Variants in C2 observed in about 807,000 individuals in gnomAD.
The protein encoded by C2 is C3/C5 convertase.
C2 carries 64 observed loss-of-function variants against 85.2 expected under a neutral mutation model. That is an observed-to-expected ratio of 0.75 (90% confidence interval 0.61 to 0.92). The LOEUF (loss-of-function observed/expected upper bound fraction) is 0.92. C2 is among the 40% of genes least tolerant of loss of function. C2 has a pLI of 0.00. For missense variants in C2, 820 were observed against 971.6 expected, an observed-to-expected ratio of 0.84 and a Z score of 2.07; for synonymous variants, 311 against 370.8, an observed-to-expected ratio of 0.84 and a Z score of 1.85.
In C2 at chr6:31,943,665, G is replaced by C. The variant is rs555083496; in HGVS notation, c.1589G>C (p.Gly530Ala). 1.9e-6 allele frequency: 3 copies of C among 1,612,982 alleles called. No individual in the cohort carries two copies. In the East Asian group the frequency reaches 6.7e-5, roughly 36 times the overall value. ...CCAGGAGACCCCAAATCCCAGTGGG[G>C]CAAAGAATTCCTTATTGAGAAGGCG... ...VNVGDPKSQW[G>A]KEFLIEKAVI... Residue 530 changes from glycine (G) to alanine (A), a missense_variant, in exon 13 of 18, where the codon GGC (glycine) becomes GCC (alanine). By Grantham distance (60) the Gly-to-Ala change is moderately conservative. Coordinates refer to ENST00000299367, the MANE Select transcript of C2 (RefSeq NM_000063.6). The surrounding 1 kb of genome is among the most constrained non-coding windows in gnomAD (Gnocchi z 6.4).
rs2151700018 is a variant in C2, at chr6:31,904,501, A to T, written c.73+3362A>T. ...GCTAATTTTCGCATTTTTAGTAGAG[A>T]CGGGGTTTCACCATGTTGGCCAGGC... On this transcript the variant is annotated intron_variant, in intron 1 of 3. Coordinates refer to the C2 transcript ENST00000452202. This position sits in a 1 kb window ranked among gnomAD's most constrained non-coding sequence, Gnocchi z 4.4. Among the ~76,000 whole-genome samples the T allele has an allele frequency of 6.6e-6, 1 of 151,962 alleles. No homozygotes were observed. Among genetic ancestry groups the T allele is most frequent in the Non-Finnish European group, 1.5e-5 (1 of 67,988 alleles).
In C2 at chr6:31,935,206, TAAG is replaced by T; in HGVS notation, c.850-716_850-714del. ...TCTGTGCTCTCTTGGGACTCAAAATTAAGTAACTCATTGCACTGCGAGGCGGCA... is the reference window on the plus strand; with the variant it reads ...TCTGTGCTCTCTTGGGACTCAAAATTTAACTCATTGCACTGCGAGGCGGCA... On this transcript the variant is annotated intron_variant, in intron 6 of 17. Transcript: ENST00000299367. This position sits in a 1 kb window ranked among gnomAD's most constrained non-coding sequence, Gnocchi z 4.3. The T allele has an allele frequency of 7.0e-6, 2 of 287,644 alleles. No individual in the cohort carries two copies. The highest frequency in any genetic ancestry group is 1.0e-5 in the Non-Finnish European group (2 of 192,032). 17.8% of individuals were successfully genotyped at this position (287,644 alleles called of 1,614,324 possible). A position where few individuals can be genotyped will look rare whatever the true frequency, so the allele number is the denominator to read the frequency against.
chr6:31,927,927 T>C lies in C2; in HGVS notation c.47-28T>C. 6.2e-7 allele frequency: 1 copy of C among 1,603,190 alleles called. No individual in the cohort carries two copies. Among genetic ancestry groups the C allele is most frequent in the East Asian group, 2.2e-5 (1 of 44,840 alleles). On this transcript the variant is annotated intron_variant, in intron 1 of 17. Transcript: ENST00000299367. The surrounding 1 kb of genome is among the most constrained non-coding windows in gnomAD (Gnocchi z 4.7). The stretch of plus-strand genomic sequence containing the variant: ...ATCTGTGTCTTCCTTCTTTCTCCAT[T>C]GCTGTCTCCTTGTTCCCACGGCTCT...
At chr6:31,942,328 T>C (rs1003960473) in intron 9 of C2, among the ~76,000 whole-genome samples, 2 of 149,064 alleles carry the variant, frequency 1.3e-5, no homozygotes, top group African/African-American at 5.0e-5. Context: ...TTAACTTGAT[T>C]ACATCTGCAA....
Position 31,945,254 on chromosome 6 carries a change from G to A in C2, c.2156G>A (p.Arg719His), listed in dbSNP as rs1283173955. 6 of 1,612,902 alleles carry A rather than the reference G, an allele frequency of 3.7e-6. No homozygotes were observed. Among genetic ancestry groups the A allele is most frequent in the South Asian group, 1.1e-5 (1 of 91,072 alleles). The change falls in exon 18 of 18, where the codon CGT (arginine) becomes CAT (histidine). Residue 719 changes from arginine (R) to histidine (H), a missense_variant. Arg to His is a conservative substitution (Grantham distance 29). Coordinates refer to ENST00000299367, the MANE Select transcript of C2 (RefSeq NM_000063.6). The surrounding 1 kb of genome is among the most constrained non-coding windows in gnomAD (Gnocchi z 5.3). Reference sequence around the variant, plus strand: ...AAAAACTCCCGCAAAAGGGCCCCTCGTAGCAAGGTCCCGCCGCCACGAGAC... The same window carrying A: ...AAAAACTCCCGCAAAAGGGCCCCTCATAGCAAGGTCCCGCCGCCACGAGAC... The part of the protein sequence containing the change: ...ADKNSRKRAP[R>H]SKVPPPRDFH...
In C2 at chr6:31,922,037, A is replaced by C. The variant is rs576451669; in HGVS notation, c.-100+2011A>C. ...TCCAGGGTGAGGGAGCCCAGTATTT[A>C]TACCAATCAGTCATTGGTTGAAGGC... On this transcript the variant is annotated intron_variant, in intron 1 of 3. Coordinates refer to the C2 transcript ENST00000413154. This position sits in a 1 kb window ranked among gnomAD's most constrained non-coding sequence, Gnocchi z 4.8. Among the ~76,000 whole-genome samples, 1 of 152,266 alleles carries C rather than the reference A, an allele frequency of 6.6e-6. No homozygotes were observed. Among genetic ancestry groups the C allele is most frequent in the Admixed American group, 6.5e-5 (1 of 15,284 alleles).
upstream of C2, chr6:31,927,506 G>A: frequency 7.0e-7 from 1 of 1,435,184 alleles, no homozygotes; most frequent in South Asian, 1.5e-5. The surrounding 1 kb of genome is among the most constrained non-coding windows in gnomAD (Gnocchi z 4.7). Flanking sequence ...AAAGCCTGTG[G>A]GGGAGATCTA....
chr6:31,922,797 G>A (rs113174711), upstream of C2, among the ~76,000 whole-genome samples: 114 of 152,282 alleles, frequency 7.5e-4, no homozygotes, highest in African/African-American at 2.5e-3. This position sits in a 1 kb window ranked among gnomAD's most constrained non-coding sequence, Gnocchi z 4.8. Context: ...AGCCGAGATC[G>A]TACTGCTTCA....
chr6:31,902,525 A>G (rs1337543979), intron 1 of C2, among the ~76,000 whole-genome samples: 2 of 152,174 alleles, frequency 1.3e-5, no homozygotes, highest in East Asian at 1.9e-4. Flanking sequence ...TCAGGGCCCC[A>G]TCCGCCCCGT....
At position 31,935,794 on chromosome 6, in the gene C2, C is replaced by T. The variant is rs1402118997; in HGVS notation, c.850-129C>T. On this transcript the variant is annotated intron_variant, in intron 6 of 17. Transcript: ENST00000299367. The surrounding 1 kb of genome is among the most constrained non-coding windows in gnomAD (Gnocchi z 4.3). ...TCCTAACAGCCATTTCCTAGTGTCT[C>T]CCCTGGTCCTTGCCTCTGTCGGTCT... 4 of 1,014,806 alleles carry T rather than the reference C, an allele frequency of 3.9e-6. No individual in the cohort carries two copies. The highest frequency in any genetic ancestry group is 1.6e-5 in the African/African-American group (1 of 63,658). The allele number at this position is 1,014,806 out of a possible 1,614,324, so 62.9% of individuals were successfully genotyped here.
chr6:31,898,500 G>T (rs1331389019), upstream of C2, among the ~76,000 whole-genome samples: 1 of 152,130 alleles, frequency 6.6e-6, no homozygotes, highest in Non-Finnish European at 1.5e-5. Context: ...AGATCTGTAT[G>T]ATTTCACACG....
chr6:31,934,040 C>T, intron 5 of C2, 75 bp downstream of exon 5: 2 of 1,553,560 alleles, frequency 1.3e-6, no homozygotes, highest in Non-Finnish European at 1.8e-6. Flanking sequence ...ATGCAACCTT[C>T]CTGGAGGCCA....
intron 9 of C2, chr6:31,941,140 T>C (rs1468224149): frequency 1.3e-5 from 2 of 152,260 alleles, no homozygotes; most frequent in East Asian, 1.9e-4. Flanking sequence ...TTCCATGTTG[T>C]GTTCTGAGTT....
At position 31,944,223 on chromosome 6, in the gene C2, G is replaced by T; in HGVS notation, c.1899G>T (p.Val633=). The T allele has an allele frequency of 6.2e-7, 1 of 1,603,956 alleles. No homozygotes were observed. The highest frequency in any genetic ancestry group is 8.5e-7 in the Non-Finnish European group (1 of 1,171,752). Reference sequence around the variant, plus strand: ...TGAACATTAACCTTAAGATGGGAGTGGAGGTGAGGGTCTCAGGTTGGGGAT... The same window carrying T: ...TGAACATTAACCTTAAGATGGGAGTTGAGGTGAGGGTCTCAGGTTGGGGAT... ...SKLNINLKMG[V]EWTSCAEVVS... Residue 633 remains valine, a synonymous_variant, in exon 15 of 18, where the codon GTG becomes GTT. Coordinates refer to ENST00000299367, the MANE Select transcript of C2 (RefSeq NM_000063.6). This position sits in a 1 kb window ranked among gnomAD's most constrained non-coding sequence, Gnocchi z 5.1.
At chr6:31,902,234 C>T (rs935274699) in intron 1 of C2, among the ~76,000 whole-genome samples, 3 of 151,710 alleles carry the variant, frequency 2.0e-5, no homozygotes, top group Middle Eastern at 6.9e-3. Flanking sequence ...TCCACACCCC[C>T]CTCTTTCTCG....
At chr6:31,908,416 C>T (rs1039527490) in intron 1 of C2, among the ~76,000 whole-genome samples, 4 of 151,666 alleles carry the variant, frequency 2.6e-5, no homozygotes, top group Admixed American at 2.6e-4. Flanking sequence ...CTTTGGGAGG[C>T]TGAGGTGGGC....
chr6:31,943,883 G>A lies in C2; in HGVS notation c.1734-34G>A. ...GGAGATCCCTGGAAGAGATACTGGGGACAGGCTGGTGTGACCCTTGCTCTT... is the reference window on the plus strand; with the variant it reads ...GGAGATCCCTGGAAGAGATACTGGGAACAGGCTGGTGTGACCCTTGCTCTT... On this transcript the variant is annotated intron_variant, in intron 13 of 17. Coordinates refer to ENST00000299367, the MANE Select transcript of C2 (RefSeq NM_000063.6). The surrounding 1 kb of genome is among the most constrained non-coding windows in gnomAD (Gnocchi z 6.4). The A allele has an allele frequency of 2.5e-6, 4 of 1,612,168 alleles. No homozygotes were observed. Among genetic ancestry groups the A allele is most frequent in the Non-Finnish European group, 3.4e-6 (4 of 1,179,422 alleles).
upstream of C2, among the ~76,000 whole-genome samples, chr6:31,925,924 C>T (rs1004452807): frequency 1.3e-5 from 2 of 152,138 alleles, no homozygotes; most frequent in Admixed American, 1.3e-4. Context: ...CACCCAGGCT[C>T]CTCTGTCTGT....
At chr6:31,934,450 C>T (rs1183016137) in intron 6 of C2, 151 bp downstream of exon 6, 1 of 1,254,660 alleles carries the variant, frequency 8.0e-7, no homozygotes, top group Admixed American at 1.8e-5. Flanking sequence ...ATCATGAATT[C>T]AATTTATACA....
Sources: gnomAD v4.1 joint callset for allele counts (sites outside exome capture counted in the v4.1 genomes callset) on GRCh38, gnomAD v4.1.1 for gene constraint, Gnocchi (gnomAD v3.1) non-coding constraint, MANE v1.5 for transcripts, NCBI Gene and HGNC (gene_info 2026-07-23, HGNC 2026-07-21) for gene names.